The following ANO5 variants were observed in gnomAD, a reference collection of about 807,000 sequenced individuals.
The protein encoded by ANO5 is anoctamin 5, also known as anoctamin-5.
A neutral mutation model predicts 121.0 loss-of-function variants in ANO5; 109 were observed. That is an observed-to-expected ratio of 0.90 (90% CI 0.77 to 1.06). The LOEUF is 1.06. Ranked by LOEUF, ANO5 falls within the 50% of genes least tolerant of loss-of-function variation. The pLI is 0.00. For missense variants in ANO5, 1,064 were observed against 1,078.5 expected, an observed-to-expected ratio of 0.99 and a Z score of 0.19; for synonymous variants, 406 against 359.9, an observed-to-expected ratio of 1.13 and a Z score of -1.45.
chr11:22,259,515 C>G lies in ANO5; in HGVS notation c.1408-4C>G, dbSNP rs1469084883. The G allele has an allele frequency of 6.2e-7, 1 of 1,613,526 alleles. No homozygotes were observed. The highest frequency in any genetic ancestry group is 8.5e-7 in the Non-Finnish European group (1 of 1,179,514). On this transcript the variant is annotated splice_region_variant and splice_polypyrimidine_tract_variant and intron_variant, in intron 14 of 21. Transcript: ENST00000324559. ...AATAGCAGTTCTTTGTTTTCCTTTC[C>G]CAGATGTCTCTTGTCGTCACCAGTA...
Position 22,251,028 on chromosome 11 carries a change from A to G in ANO5, c.1180+17A>G, listed in dbSNP as rs758951378. 1.3e-6 allele frequency: 2 copies of G among 1,598,770 alleles called. No individual in the cohort carries two copies. The highest frequency in any genetic ancestry group is 1.7e-6 in the Non-Finnish European group (2 of 1,170,302). Reference sequence around the variant, plus strand: ...GAATTTGGGGTGAGTAAATAGTCCCATAAAGAAACAGCTTTCTTCCTATTA... The same window carrying G: ...GAATTTGGGGTGAGTAAATAGTCCCGTAAAGAAACAGCTTTCTTCCTATTA... On this transcript the variant is annotated intron_variant, in intron 12 of 21. Transcript: ENST00000324559.
chr11:22,197,218 T>C (rs1326085643), intron 1 of ANO5, among the ~76,000 whole-genome samples: 1 of 152,230 alleles, frequency 6.6e-6, no homozygotes, highest in Middle Eastern at 3.2e-3. Context: ...GAGGAATCAG[T>C]GATCTCCAAT....
intron 11 of ANO5, 36 bp from the exon 12 acceptor site, chr11:22,250,912 TAAA>T: frequency 6.2e-7 from 1 of 1,608,650 alleles, no homozygotes; most frequent in Non-Finnish European, 8.5e-7. Flanking sequence ...CATTTAGTAC[TAAA>T]TTATCTTTGT....
chr11:22,195,898 T>C (rs1851796498), intron 1 of ANO5, among the ~76,000 whole-genome samples: 1 of 152,176 alleles, frequency 6.6e-6, no homozygotes, highest in African/African-American at 2.4e-5. Flanking sequence ...TTCCTGTATC[T>C]AGATATATTC....
At chr11:22,198,074 C>T (rs939838964) in intron 1 of ANO5, among the ~76,000 whole-genome samples, 4 of 152,068 alleles carry the variant, frequency 2.6e-5, no homozygotes, top group Admixed American at 6.5e-5. Flanking sequence ...AGAGAGCTAG[C>T]GAGCAGTAAG....
At chr11:22,219,603 A>G (rs1852573904) in intron 4 of ANO5, among the ~76,000 whole-genome samples, 1 of 152,010 alleles carries the variant, frequency 6.6e-6, no homozygotes, top group African/African-American at 2.4e-5. Context: ...TAAGTAGTAT[A>G]TTATTTCTGC....
intron 5 of ANO5, among the ~76,000 whole-genome samples, chr11:22,223,119 T>G (rs1048619012): frequency 1.3e-5 from 2 of 152,036 alleles, no homozygotes; most frequent in African/African-American, 4.8e-5. Flanking sequence ...CTGCTCCACT[T>G]GTGCCCTGCA....
At chr11:22,238,599 T>C (rs907717071) in intron 8 of ANO5, among the ~76,000 whole-genome samples, 3 of 152,128 alleles carry the variant, frequency 2.0e-5, no homozygotes, top group African/African-American at 7.2e-5. Context: ...AGGCTGCTTT[T>C]TTGGTTGTTT....
rs113407421 is a variant in ANO5, at chr11:22,202,829, T to A, written c.41-975T>A. 6.3e-3 allele frequency among the ~76,000 whole-genome samples: 955 copies of A among 152,286 alleles called. 6 individuals carry two copies. The highest frequency in any genetic ancestry group is 0.022 in the African/African-American group (902 of 41,570). On this transcript the variant is annotated intron_variant, in intron 1 of 21. Transcript: ENST00000324559. ...CTTCTTCTGTGCCTCTGTTCCCTCT[T>A]CTTTTCTTAGGAGGACATCCATCAT... is the stretch of plus-strand genomic sequence containing the variant.
At chr11:22,247,720 C>T (rs943285707) in intron 9 of ANO5, among the ~76,000 whole-genome samples, 2 of 151,996 alleles carry the variant, frequency 1.3e-5, no homozygotes, top group African/African-American at 2.4e-5. Context: ...GGTTTTTCTG[C>T]CTTTTGAGCA....
At position 22,275,311 on chromosome 11, in the gene ANO5, C is replaced by T. The variant is rs552535756; in HGVS notation, c.2414+564C>T. 4.0e-5 allele frequency among the ~76,000 whole-genome samples: 6 copies of T among 148,906 alleles called. No homozygotes were observed. In the South Asian group the frequency reaches 1.4e-3, roughly 36 times the overall value. On this transcript the variant is annotated intron_variant, in intron 20 of 21. Transcript: ENST00000324559. ...ATCTTTTCACCATACAATTTAAAGA[C>T]ACACACACACACACACACACGCTTA...
chr11:22,214,729 C>T (rs1219367445), intron 3 of ANO5, among the ~76,000 whole-genome samples: 1 of 151,834 alleles, frequency 6.6e-6, no homozygotes, highest in African/African-American at 2.4e-5. Context: ...AGCAAGAGGT[C>T]AAGGGAGCTC....
chr11:22,272,302 G>GCACACA (rs60487083), intron 18 of ANO5, among the ~76,000 whole-genome samples: 21,606 of 134,332 alleles, frequency 0.16, 1,970 homozygotes, highest in Middle Eastern at 0.25. Context: ...TCCTTTTCCG[G>GCACACA]CACACACACA....
At chr11:22,199,231 T>C (rs1231159238) in intron 1 of ANO5, among the ~76,000 whole-genome samples, 1 of 152,134 alleles carries the variant, frequency 6.6e-6, no homozygotes, top group Admixed American at 6.5e-5. Flanking sequence ...AACAGTAGAA[T>C]AGAATAATAA....
chr11:22,200,319 A>G (rs1358027678), intron 1 of ANO5, among the ~76,000 whole-genome samples: 2 of 152,148 alleles, frequency 1.3e-5, no homozygotes, highest in South Asian at 2.1e-4. Flanking sequence ...GTATGACTCT[A>G]TATGTTTTCC....
At chr11:22,250,507 A>G in intron 10 of ANO5, 136 bp downstream of exon 10, 1 of 1,285,782 alleles carries the variant, frequency 7.8e-7, no homozygotes, top group Non-Finnish European at 1.1e-6. Context: ...TCCAAAAACT[A>G]CTCAAACATA....
chr11:22,205,216 G>A (rs543513630), intron 2 of ANO5, among the ~76,000 whole-genome samples: 3 of 152,172 alleles, frequency 2.0e-5, no homozygotes, highest in African/African-American at 7.2e-5. Context: ...GGTGGGAGGA[G>A]GGAGAGGATC....
intron 17 of ANO5, among the ~76,000 whole-genome samples, chr11:22,267,799 G>A (rs941588946): frequency 6.6e-6 from 1 of 152,036 alleles, no homozygotes; most frequent in Non-Finnish European, 1.5e-5. Flanking sequence ...CCCAGTGTCT[G>A]CTGTTCCCCT....
At chr11:22,228,245 C>T (rs1247222981) in intron 7 of ANO5, among the ~76,000 whole-genome samples, 1 of 151,980 alleles carries the variant, frequency 6.6e-6, no homozygotes, top group East Asian at 1.9e-4. Context: ...TGAGCAGTGC[C>T]TGGCTTGTAC....
Sources: gnomAD v4.1 joint callset for allele counts (sites outside exome capture counted in the v4.1 genomes callset) on GRCh38, gnomAD v4.1.1 for gene constraint, MANE v1.5 for transcripts, NCBI Gene and HGNC (gene_info 2026-07-23, HGNC 2026-07-21) for gene names.